LRIG1: variants seen among roughly 807,000 people sequenced by gnomAD.
The protein encoded by LRIG1 is leucine-rich repeats and immunoglobulin-like domains protein 1.
A neutral mutation model predicts 99.2 loss-of-function variants in LRIG1; 48 were observed. That is an observed-to-expected ratio of 0.48 (90% CI 0.38 to 0.62). The LOEUF (loss-of-function observed/expected upper bound fraction) is 0.62. LRIG1 is among the 20% of genes least tolerant of loss of function. LRIG1 has a pLI of 0.00. For missense variants in LRIG1, 1,646 were observed against 1,434.4 expected (o/e 1.15, Z -2.38); for synonymous variants, 772 against 596.1 (o/e 1.29, Z -4.30).
At position 66,398,246 on chromosome 3, in the gene LRIG1, A is replaced by G; in HGVS notation, c.1233-63T>C. Reference sequence around the variant, plus strand: ...TAGGTACACCTGAGGGGTTTTCAGGACAGTCCTGGTTTCACAGATGACCCA... The same window carrying G: ...TAGGTACACCTGAGGGGTTTTCAGGGCAGTCCTGGTTTCACAGATGACCCA... On this transcript the variant is annotated intron_variant, in intron 10 of 18. Coordinates refer to ENST00000273261, the MANE Select transcript of LRIG1 (RefSeq NM_015541.3). 3 of 1,319,026 alleles carry G rather than the reference A, an allele frequency of 2.3e-6. No individual in the cohort carries two copies. The South Asian group carries it at 3.6e-5, about 16-fold the overall frequency. 81.7% of individuals were successfully genotyped at this position (1,319,026 alleles called of 1,614,324 possible).
At chr3:66,499,739 A>C (rs1322467466) in intron 1 of LRIG1, among the ~76,000 whole-genome samples, 1 of 152,172 alleles carries the variant, frequency 6.6e-6, no homozygotes, top group African/African-American at 2.4e-5. Flanking sequence ...AAGACCAAGG[A>C]GCTCAGACAC....
chr3:66,419,505 G>A (rs1702735339), intron 3 of LRIG1, among the ~76,000 whole-genome samples: 1 of 152,150 alleles, frequency 6.6e-6, no homozygotes, highest in Non-Finnish European at 1.5e-5. Flanking sequence ...GAGCAAGGGA[G>A]TGCACAAGGT....
rs943239091 is a variant in LRIG1 at position 66,437,250 on chromosome 3, G to A, written c.365+14309C>T. ...CCCTCAAACAAGCGAGCAGAGACTG[G>A]GAGAGCCCTTTTTTGACACATCTGT... On this transcript the variant is annotated intron_variant, in intron 3 of 18. Transcript: ENST00000273261. Among the ~76,000 whole-genome samples, 11 of 152,300 alleles carry A rather than the reference G, an allele frequency of 7.2e-5. No homozygotes were observed. In the East Asian group the frequency reaches 7.7e-4, roughly 11 times the overall value.
chr3:66,411,049 C>A (rs1161836647), intron 6 of LRIG1, among the ~76,000 whole-genome samples: 2 of 152,212 alleles, frequency 1.3e-5, no homozygotes, highest in African/African-American at 4.8e-5. Context: ...TCCAAGAGCA[C>A]TGACTCCATG....
At chr3:66,419,850 T>C (rs376647097) in intron 3 of LRIG1, among the ~76,000 whole-genome samples, 1 of 152,094 alleles carries the variant, frequency 6.6e-6, no homozygotes, top group Non-Finnish European at 1.5e-5. Flanking sequence ...GGGCTGGAGA[T>C]GACAACTAGG....
chr3:66,500,118 C>T, intron 1 of LRIG1, 72 bp downstream of exon 1: 2 of 1,256,958 alleles, frequency 1.6e-6, no homozygotes, highest in Admixed American at 2.3e-5. Context: ...TCCCTGAGTA[C>T]GAACCCCCGC....
At chr3:66,399,611 C>T (rs1701983195) in intron 9 of LRIG1, among the ~76,000 whole-genome samples, 1 of 152,084 alleles carries the variant, frequency 6.6e-6, no homozygotes, top group African/African-American at 2.4e-5. Context: ...TCTACAAAAA[C>T]TAAAAAATTA....
At chr3:66,471,250 G>A (rs1258904466) in intron 1 of LRIG1, among the ~76,000 whole-genome samples, 2 of 152,202 alleles carry the variant, frequency 1.3e-5, no homozygotes, top group African/African-American at 4.8e-5. Flanking sequence ...TGGGTCAGAA[G>A]TCTGGTCATT....
chr3:66,487,273 G>A (rs1383106660), intron 1 of LRIG1, among the ~76,000 whole-genome samples: 1 of 152,196 alleles, frequency 6.6e-6, no homozygotes, highest in African/African-American at 2.4e-5. Context: ...GAAAGCCTCT[G>A]CATTTAGCCG....
intron 8 of LRIG1, chr3:66,406,397 C>G: frequency 1.0e-6 from 1 of 985,434 alleles, no homozygotes; most frequent in Non-Finnish European, 1.2e-6. Context: ...TGTTCCCAGC[C>G]TTGTTATTTG....
intron 3 of LRIG1, among the ~76,000 whole-genome samples, chr3:66,444,240 G>C (rs1300933581): frequency 6.6e-6 from 1 of 152,190 alleles, no homozygotes; most frequent in Non-Finnish European, 1.5e-5. Flanking sequence ...AGCCGGTGAA[G>C]GTCTGCTGGG....
intron 2 of LRIG1, among the ~76,000 whole-genome samples, chr3:66,457,569 G>A (rs1700258374): frequency 6.6e-6 from 1 of 152,206 alleles, no homozygotes. Context: ...TATTCAGTGA[G>A]CCTCTCGCAT....
At chr3:66,389,275 T>C (rs1701522484) in intron 12 of LRIG1, among the ~76,000 whole-genome samples, 1 of 152,002 alleles carries the variant, frequency 6.6e-6, no homozygotes, top group South Asian at 2.1e-4. Flanking sequence ...ACAGAAAATA[T>C]CTTTTCAATA....
At chr3:66,402,465 C>T (rs1243271492) in intron 9 of LRIG1, among the ~76,000 whole-genome samples, 2 of 152,342 alleles carry the variant, frequency 1.3e-5, no homozygotes, top group East Asian at 1.9e-4. Flanking sequence ...TCAGCATCCA[C>T]CCCAAATTCA....
chr3:66,464,886 A>G lies in LRIG1; in HGVS notation c.219-2377T>C, dbSNP rs573878599. 1.2e-4 allele frequency among the ~76,000 whole-genome samples: 19 copies of G among 152,336 alleles called. No homozygotes were observed. In the South Asian group the frequency reaches 3.9e-3, roughly 32 times the overall value. ...GTTATAAAAATTTTGCTTTTTAGGTAAGGCTACTTGAGCAAAGGGTCTTCC... is the reference window on the plus strand; with the variant it reads ...GTTATAAAAATTTTGCTTTTTAGGTGAGGCTACTTGAGCAAAGGGTCTTCC... On this transcript the variant is annotated intron_variant, in intron 1 of 18. Transcript: ENST00000273261.
intron 13 of LRIG1, among the ~76,000 whole-genome samples, chr3:66,385,643 G>A (rs1253002382): frequency 6.6e-6 from 1 of 152,104 alleles, no homozygotes; most frequent in Admixed American, 6.5e-5. Flanking sequence ...AGTAGAGACG[G>A]GGTTTCACTA....
intron 3 of LRIG1, among the ~76,000 whole-genome samples, chr3:66,424,498 G>C (rs1702917003): frequency 6.6e-6 from 1 of 152,182 alleles, no homozygotes; most frequent in Non-Finnish European, 1.5e-5. Flanking sequence ...AACTATCCAT[G>C]TTTTCAATTC....
chr3:66,408,683 G>C (rs75840430), intron 7 of LRIG1, among the ~76,000 whole-genome samples: 7,291 of 152,134 alleles, frequency 0.048, 230 homozygotes, highest in South Asian at 0.08. Context: ...CACACCTCCC[G>C]GCCCTGACCA....
intron 1 of LRIG1, 24 bp downstream of exon 1, chr3:66,500,166 G>T (rs572282231): frequency 9.4e-5 from 142 of 1,505,000 alleles, no homozygotes; most frequent in Non-Finnish European, 1.2e-4. Context: ...GGGGCGCAGA[G>T]AGGGCGGAAA....
Sources: allele counts gnomAD v4.1 joint callset (sites outside exome capture counted in the v4.1 genomes callset), GRCh38; gene constraint gnomAD v4.1.1; transcripts MANE v1.5; gene names NCBI Gene and HGNC (gene_info 2026-07-23, HGNC 2026-07-21).